Variants in TRPC3 observed in about 807,000 individuals in gnomAD.
TRPC3 encodes the protein short transient receptor potential channel 3.
A neutral mutation model predicts 90.9 loss-of-function variants in TRPC3; 54 were observed. The ratio of observed to expected loss-of-function variants is 0.59; its 90% CI spans 0.48 to 0.75. The LOEUF is 0.75. TRPC3 is among the 30% of genes least tolerant of loss of function. The probability of loss-of-function intolerance (pLI) is 0.00; values close to 1 mark genes in which losing one functional copy is unlikely to be tolerated. For synonymous variants in TRPC3, 424 were observed against 450.9 expected, an observed-to-expected ratio of 0.94 and a Z score of 0.75; for missense variants, 918 against 1,194.5, an observed-to-expected ratio of 0.77 and a Z score of 3.41.
intron 5 of TRPC3, 36 bp downstream of exon 5, chr4:121,911,841 T>G (rs1165692995): frequency 1.0e-5 from 16 of 1,548,252 alleles, no homozygotes; most frequent in Admixed American, 1.9e-5. Flanking sequence ...AATTACCTTT[T>G]GGTAGAAATT....
At chr4:121,912,944 C>G (rs1729162454) in intron 4 of TRPC3, among the ~76,000 whole-genome samples, 1 of 152,328 alleles carries the variant, frequency 6.6e-6, no homozygotes, top group African/African-American at 2.4e-5. Flanking sequence ...CAAGTATGTT[C>G]TCTTTTCTAC....
intron 10 of TRPC3, 47 bp from the exon 11 acceptor site, chr4:121,882,476 T>A (rs1003034707): frequency 6.4e-7 from 1 of 1,563,776 alleles, no homozygotes; most frequent in Non-Finnish European, 8.7e-7. Context: ...TATACATAAG[T>A]GCCCCAATCC....
At chr4:121,885,062 T>A (rs950680237) in intron 10 of TRPC3, among the ~76,000 whole-genome samples, 1 of 152,142 alleles carries the variant, frequency 6.6e-6, no homozygotes, top group East Asian at 1.9e-4. Context: ...GGAAAAGAAA[T>A]GACTATTTAA....
chr4:121,932,745 G>C lies in TRPC3; in HGVS notation c.513C>G (p.Asn171Lys), dbSNP rs374460674. 3 of 1,613,898 alleles carry C rather than the reference G, an allele frequency of 1.9e-6. No individual in the cohort carries two copies. Among genetic ancestry groups the C allele is most frequent in the Non-Finnish European group, 2.5e-6 (3 of 1,179,858 alleles). ...EVTELLLKKE[N>K]LARIGDALLL... ...GCAGGGCGTCGCCAATGCGCGCCAG[G>C]TTCTCCTTCTTGAGCAGCAGCTCGG... Residue 171 changes from asparagine (N) to lysine (K), a missense_variant, in exon 2 of 12, where the codon AAC (asparagine) becomes AAG (lysine). By Grantham distance (94) the Asn-to-Lys change is moderately conservative. Around this residue, in one of 4 missense-constraint regions of TRPC3, gnomAD observed 609 missense variants for 725.9 expected, o/e 0.84. Coordinates refer to ENST00000379645, the MANE Select transcript of TRPC3 (RefSeq NM_001130698.2). The surrounding 1 kb of genome is among the most constrained non-coding windows in gnomAD (Gnocchi z 7.7).
chr4:121,932,733 A>G lies in TRPC3; in HGVS notation c.525T>C (p.Ile175=), dbSNP rs1207146838. The change falls in exon 2 of 12, where the codon ATT becomes ATC. Residue 175 remains isoleucine, a synonymous_variant. Coordinates refer to ENST00000379645, the MANE Select transcript of TRPC3 (RefSeq NM_001130698.2). The surrounding 1 kb of genome is among the most constrained non-coding windows in gnomAD (Gnocchi z 7.7). ...TGATGGCGAGCAGCAGGGCGTCGCC[A>G]ATGCGCGCCAGGTTCTCCTTCTTGA... ...LLLKKENLAR[I]GDALLLAISK... is the part of the protein sequence containing the mutation. 1.5e-5 allele frequency: 24 copies of G among 1,613,904 alleles called. No individual in the cohort carries two copies. The highest frequency in any genetic ancestry group is 1.4e-5 in the Non-Finnish European group (16 of 1,179,866).
intron 3 of TRPC3, among the ~76,000 whole-genome samples, chr4:121,918,272 A>G (rs72919964): frequency 0.028 from 4,311 of 152,270 alleles, 109 homozygotes; most frequent in Middle Eastern, 0.071. Context: ...ATGAGACAAG[A>G]AAGTTTTGTT....
In TRPC3 at chr4:121,932,761, A is replaced by G; in HGVS notation, c.497T>C (p.Leu166Pro). 1 of 1,613,662 alleles carries G rather than the reference A, an allele frequency of 6.2e-7. No individual in the cohort carries two copies. Among genetic ancestry groups the G allele is most frequent in the Non-Finnish European group, 8.5e-7 (1 of 1,179,700 alleles). ...GCGCGCCAGGTTCTCCTTCTTGAGC[A>G]GCAGCTCGGTCACCTCCAGGTGCTC... The part of the protein sequence containing the change: ...GNEHLEVTEL[L>P]LKKENLARIG... Residue 166 changes from leucine (L) to proline (P), a missense_variant, in exon 2 of 12, where the codon CTG (leucine) becomes CCG (proline). Transcript: ENST00000379645. The surrounding 1 kb of genome is among the most constrained non-coding windows in gnomAD (Gnocchi z 7.7).
chr4:121,900,994 T>C (rs1728680083), intron 9 of TRPC3, among the ~76,000 whole-genome samples: 1 of 152,176 alleles, frequency 6.6e-6, no homozygotes, highest in Non-Finnish European at 1.5e-5. Flanking sequence ...GAACAGGCTG[T>C]ATTTTCTTTA....
chr4:121,875,175 T>C lies in TRPC3; in HGVS notation c.*4561A>G, dbSNP rs1727730592. On this transcript the variant is annotated 3_prime_UTR_variant, in exon 12 of 12. Transcript: ENST00000379645. ...GACAGACAATGCTGGCAGTGCTTACTTTCCATTTAGCAAGTGATGTCCACT... is the reference window on the plus strand; with the variant it reads ...GACAGACAATGCTGGCAGTGCTTACCTTCCATTTAGCAAGTGATGTCCACT... Among the ~76,000 whole-genome samples, 1 of 151,978 alleles carries C rather than the reference T, an allele frequency of 6.6e-6. No homozygotes were observed. The highest frequency in any genetic ancestry group is 2.4e-5 in the African/African-American group (1 of 41,440).
chr4:121,922,005 G>A (rs1411151791), intron 3 of TRPC3, among the ~76,000 whole-genome samples: 2 of 147,304 alleles, frequency 1.4e-5, no homozygotes, highest in African/African-American at 2.5e-5. Context: ...TACAAGCTCC[G>A]CCTTCCGGGT....
chr4:121,933,103 T>C (rs1730011606), intron 1 of TRPC3, 61 bp from the exon 2 acceptor site: 3 of 1,502,356 alleles, frequency 2.0e-6, no homozygotes, highest in South Asian at 2.7e-5. Context: ...TCCTTTCACA[T>C]GTCAGGGCCC....
At chr4:121,880,947 C>T (rs150299842) in intron 11 of TRPC3, among the ~76,000 whole-genome samples, 1 of 140,610 alleles carries the variant, frequency 7.1e-6, no homozygotes, top group Admixed American at 6.7e-5. Context: ...ATTTGAGGAG[C>T]CCTTTTGTGG....
intron 2 of TRPC3, among the ~76,000 whole-genome samples, chr4:121,930,378 T>G (rs1240050885): frequency 6.6e-6 from 1 of 152,194 alleles, no homozygotes; most frequent in African/African-American, 2.4e-5. Context: ...GTTTTCTCTC[T>G]TTTTGCCTCT....
At chr4:121,901,210 GT>G (rs1240173825) in intron 9 of TRPC3, among the ~76,000 whole-genome samples, 1 of 152,206 alleles carries the variant, frequency 6.6e-6, no homozygotes, top group Non-Finnish European at 1.5e-5. Flanking sequence ...TAAAGCTTCA[GT>G]TAATAAATCC....
intron 3 of TRPC3, among the ~76,000 whole-genome samples, chr4:121,923,320 G>A: frequency 6.6e-6 from 1 of 152,148 alleles, no homozygotes; most frequent in Non-Finnish European, 1.5e-5. Context: ...TGAGGTTTTT[G>A]GAAGCACAGC....
At chr4:121,917,426 A>C (rs571233645) in intron 3 of TRPC3, among the ~76,000 whole-genome samples, 16 of 152,146 alleles carry the variant, frequency 1.1e-4, no homozygotes, top group African/African-American at 3.6e-4. Context: ...AATGTCCTTC[A>C]TTCATTCATT....
At chr4:121,915,205 G>A (rs1433234190) in intron 3 of TRPC3, among the ~76,000 whole-genome samples, 1 of 152,126 alleles carries the variant, frequency 6.6e-6, no homozygotes, top group Non-Finnish European at 1.5e-5. Flanking sequence ...CTTTTTGATA[G>A]AAACCCTCCA....
At chr4:121,935,295 T>C (rs1730091125) in intron 1 of TRPC3, among the ~76,000 whole-genome samples, 3 of 152,084 alleles carry the variant, frequency 2.0e-5, no homozygotes, top group Admixed American at 6.6e-5. Context: ...GTGAAATAAA[T>C]GTGCTGTGTT....
Position 121,932,177 on chromosome 4 carries a change from C to G in TRPC3, c.987+94G>C. ...GTGATTTCACATTCACTGGGCAAAA[C>G]CGAATGTGGAGCGAACGGTGGCAGA... is the stretch of plus-strand genomic sequence containing the variant. On this transcript the variant is annotated intron_variant, in intron 2 of 11. Coordinates refer to ENST00000379645, the MANE Select transcript of TRPC3 (RefSeq NM_001130698.2). This position sits in a 1 kb window ranked among gnomAD's most constrained non-coding sequence, Gnocchi z 7.7. 1 of 1,535,510 alleles carries G rather than the reference C, an allele frequency of 6.5e-7. No individual in the cohort carries two copies. The highest frequency in any genetic ancestry group is 1.3e-5 in the South Asian group (1 of 77,732).
Sources: gnomAD v4.1 joint callset for allele counts (sites outside exome capture counted in the v4.1 genomes callset) on GRCh38, gnomAD v4.1.1 for gene constraint, gnomAD v4.1.1 regional missense constraint, Gnocchi (gnomAD v3.1) non-coding constraint, MANE v1.5 for transcripts, NCBI Gene and HGNC (gene_info 2026-07-23, HGNC 2026-07-21) for gene names.